The following KCNMB2 variants were observed in gnomAD, a reference collection of about 807,000 sequenced individuals.
KCNMB2 encodes the protein calcium-activated potassium channel subunit beta-2.
In KCNMB2, 9 loss-of-function variants were observed where a neutral mutation model predicts 24.5. The ratio of observed to expected loss-of-function variants is 0.37; its 90% CI spans 0.22 to 0.64. The LOEUF (loss-of-function observed/expected upper bound fraction) is 0.64. KCNMB2 is among the 30% of genes least tolerant of loss of function. KCNMB2 has a pLI of 0.63. For synonymous variants in KCNMB2, 109 were observed against 104.4 expected, an observed-to-expected ratio of 1.04 and a Z score of -0.27; for missense variants, 226 against 284.3, an observed-to-expected ratio of 0.79 and a Z score of 1.47.
chr3:178,733,997 A>C (rs911253810), intron 1 of KCNMB2, among the ~76,000 whole-genome samples: 1 of 152,176 alleles, frequency 6.6e-6, no homozygotes, highest in Non-Finnish European at 1.5e-5. Flanking sequence ...TTTTCTGACC[A>C]GTTGGATGTG....
chr3:178,762,995 G>A (rs1470037739), intron 1 of KCNMB2, among the ~76,000 whole-genome samples: 2 of 152,076 alleles, frequency 1.3e-5, no homozygotes, highest in African/African-American at 2.4e-5. Context: ...CAAATCCAGA[G>A]ATATAAATTT....
chr3:178,592,785 G>C (rs953112376), intron 1 of KCNMB2, among the ~76,000 whole-genome samples: 1 of 152,042 alleles, frequency 6.6e-6, no homozygotes, highest in East Asian at 1.9e-4. Flanking sequence ...CTGCAGTGAG[G>C]TATTTTTTTA....
At chr3:178,698,046 T>C (rs1366515922) in intron 1 of KCNMB2, among the ~76,000 whole-genome samples, 1 of 152,192 alleles carries the variant, frequency 6.6e-6, no homozygotes, top group South Asian at 2.1e-4. Flanking sequence ...TTTTCTTTCA[T>C]TTAGATGTTG....
At chr3:178,798,635 A>C (rs1713649202) in intron 1 of KCNMB2, among the ~76,000 whole-genome samples, 1 of 152,160 alleles carries the variant, frequency 6.6e-6, no homozygotes, top group Non-Finnish European at 1.5e-5. Flanking sequence ...CAGAAAACCA[A>C]GCACTGCATG....
intron 1 of KCNMB2, among the ~76,000 whole-genome samples, chr3:178,557,380 A>C (rs1716161296): frequency 6.6e-6 from 1 of 152,336 alleles, no homozygotes; most frequent in East Asian, 1.9e-4. Context: ...TTAAGAGCGG[A>C]AACATTTAGA....
At chr3:178,666,333 T>C (rs1033495477) in intron 1 of KCNMB2, among the ~76,000 whole-genome samples, 3 of 152,074 alleles carry the variant, frequency 2.0e-5, no homozygotes, top group African/African-American at 7.2e-5. Context: ...AGTTTAGTGA[T>C]AAGCATGTAA....
intron 1 of KCNMB2, chr3:178,537,385 C>T (rs1344431222): frequency 6.6e-6 from 1 of 152,204 alleles, no homozygotes; most frequent in Non-Finnish European, 1.5e-5. Context: ...TGCTTTTCAA[C>T]AACTGCTGGG....
At chr3:178,707,064 T>C (rs1029871766) in intron 1 of KCNMB2, among the ~76,000 whole-genome samples, 4 of 152,104 alleles carry the variant, frequency 2.6e-5, no homozygotes, top group African/African-American at 9.7e-5. Flanking sequence ...TTAGTCTCTT[T>C]CATTTGCAAG....
chr3:178,727,980 G>A (rs769515930), intron 1 of KCNMB2, among the ~76,000 whole-genome samples: 1 of 152,178 alleles, frequency 6.6e-6, no homozygotes, highest in Non-Finnish European at 1.5e-5. Flanking sequence ...AGTCAGTATT[G>A]ATTTCATATT....
At chr3:178,765,183 C>A (rs893035876) in intron 1 of KCNMB2, among the ~76,000 whole-genome samples, 16 of 152,156 alleles carry the variant, frequency 1.1e-4, no homozygotes, top group African/African-American at 3.6e-4. Context: ...AAGTAGTCAT[C>A]GCAGCATTTG....
In KCNMB2 at chr3:178,670,949, C is replaced by T. The variant is rs181450287; in HGVS notation, c.-68+134238C>T. On this transcript the variant is annotated intron_variant, in intron 1 of 4. Transcript: ENST00000452583. Reference sequence around the variant, plus strand: ...ACAAAAGGGAGATTGATTCTTCCCGCTGGAAGACGTGGGTACAGCAGAGGT... The same window carrying T: ...ACAAAAGGGAGATTGATTCTTCCCGTTGGAAGACGTGGGTACAGCAGAGGT... Among the ~76,000 whole-genome samples the T allele has an allele frequency of 6.6e-5, 10 of 152,270 alleles. No individual in the cohort carries two copies. In the East Asian group the frequency reaches 1.7e-3, roughly 26 times the overall value.
At chr3:178,607,097 G>A (rs1718299380) in intron 1 of KCNMB2, among the ~76,000 whole-genome samples, 1 of 152,194 alleles carries the variant, frequency 6.6e-6, no homozygotes, top group Admixed American at 6.5e-5. Context: ...AACAGGACCA[G>A]GTCCAAGGTC....
chr3:178,619,572 A>G (rs1196443470), intron 1 of KCNMB2, among the ~76,000 whole-genome samples: 1 of 152,132 alleles, frequency 6.6e-6, no homozygotes, highest in Non-Finnish European at 1.5e-5. Context: ...ATTAGAGTAT[A>G]AAAAACCGAG....
chr3:178,638,687 T>G (rs1719615501), intron 1 of KCNMB2, among the ~76,000 whole-genome samples: 1 of 152,192 alleles, frequency 6.6e-6, no homozygotes, highest in Admixed American at 6.6e-5. Flanking sequence ...GTATTGAGGT[T>G]GAAGTCTCAT....
At chr3:178,639,522 T>C (rs746086138) in intron 1 of KCNMB2, among the ~76,000 whole-genome samples, 3 of 152,240 alleles carry the variant, frequency 2.0e-5, no homozygotes, top group African/African-American at 4.8e-5. Flanking sequence ...ATCTACAAGA[T>C]GGTTAAATAA....
intron 1 of KCNMB2, among the ~76,000 whole-genome samples, chr3:178,685,491 AAGGCAGCCAG>A (rs1393545339): frequency 6.6e-6 from 1 of 152,188 alleles, no homozygotes; most frequent in East Asian, 1.9e-4. Context: ...GTGCCATCCA[AAGGCAGCCAG>A]AGACCAAGGT....
chr3:178,669,260 G>A (rs767238898), intron 1 of KCNMB2, among the ~76,000 whole-genome samples: 3 of 152,082 alleles, frequency 2.0e-5, no homozygotes, highest in Non-Finnish European at 2.9e-5. Context: ...TAGCAGCTGC[G>A]ACCTTTTACT....
chr3:178,589,132 A>G (rs1717568578), intron 1 of KCNMB2, among the ~76,000 whole-genome samples: 1 of 152,222 alleles, frequency 6.6e-6, no homozygotes, highest in African/African-American at 2.4e-5. Flanking sequence ...TACCTAAAAC[A>G]TACAATCCTT....
At chr3:178,714,186 C>T (rs982943056) in intron 1 of KCNMB2, among the ~76,000 whole-genome samples, 3 of 152,148 alleles carry the variant, frequency 2.0e-5, no homozygotes, top group African/African-American at 7.2e-5. Flanking sequence ...CTTTCTTCTT[C>T]AGTGCTTCTG....
Sources: gnomAD v4.1 joint callset for allele counts (sites outside exome capture counted in the v4.1 genomes callset) on GRCh38, gnomAD v4.1.1 for gene constraint, MANE v1.5 for transcripts, NCBI Gene and HGNC (gene_info 2026-07-23, HGNC 2026-07-21) for gene names.